The following WWTR1 variants were observed in gnomAD, a reference collection of about 807,000 sequenced individuals.
The protein encoded by WWTR1 is WW domain containing transcription regulator 1, also known as WW domain-containing transcription regulator protein 1.
Under a neutral mutation model 40.1 loss-of-function variants are expected in WWTR1, and 13 were observed. The observed-to-expected ratio is 0.32, with a 90% confidence interval of 0.21 to 0.52. The LOEUF (loss-of-function observed/expected upper bound fraction) is 0.52, where lower values mean the gene tolerates loss of function less well. Ranked by LOEUF, WWTR1 falls within the 20% of genes least tolerant of loss-of-function variation. The pLI is 0.97. For missense variants in WWTR1, 436 were observed against 523.1 expected, an observed-to-expected ratio of 0.83 and a Z score of 1.63; for synonymous variants, 230 against 210.1, an observed-to-expected ratio of 1.09 and a Z score of -0.82.
chr3:149,545,502 G>A (rs1736323780), intron 3 of WWTR1, among the ~76,000 whole-genome samples: 1 of 152,162 alleles, frequency 6.6e-6, no homozygotes, highest in Admixed American at 6.5e-5. Context: ...CAAAGGCACA[G>A]GTTGTTAACC....
chr3:149,524,327 GTTTTT>G (rs3044124), intron 6 of WWTR1, among the ~76,000 whole-genome samples: 264 of 139,240 alleles, frequency 1.9e-3, no homozygotes, highest in Middle Eastern at 3.8e-3. Context: ...CTCTTTTATG[GTTTTT>G]TTTTTTTTTT....
intron 2 of WWTR1, among the ~76,000 whole-genome samples, chr3:149,650,828 G>A (rs988696198): frequency 4.6e-5 from 7 of 152,202 alleles, no homozygotes; most frequent in Non-Finnish European, 1.0e-4. Context: ...CAGGAAAGTT[G>A]ACTCTAACTC....
intron 5 of WWTR1, among the ~76,000 whole-genome samples, chr3:149,711,179 AGG>A (rs58478256): frequency 2.0e-5 from 3 of 149,630 alleles, no homozygotes; most frequent in Admixed American, 2.0e-4. Context: ...AAAAAAAAAA[AGG>A]GAGGCTGGAT....
chr3:149,564,501 T>C (rs1737220437), intron 3 of WWTR1, among the ~76,000 whole-genome samples: 2 of 152,140 alleles, frequency 1.3e-5, no homozygotes, highest in Admixed American at 6.5e-5. Context: ...TTTTTTTTTT[T>C]TCTCCTTTTG....
intron 4 of WWTR1, among the ~76,000 whole-genome samples, chr3:149,528,299 A>G (rs1031715100): frequency 7.9e-5 from 12 of 152,232 alleles, no homozygotes; most frequent in African/African-American, 2.9e-4. Flanking sequence ...GGCTTTTTCT[A>G]TCTCAGGTTC....
chr3:149,571,163 G>C (rs1737603568), intron 3 of WWTR1, among the ~76,000 whole-genome samples: 1 of 151,438 alleles, frequency 6.6e-6, no homozygotes, highest in Admixed American at 6.6e-5. Flanking sequence ...AACAAACTTG[G>C]GGACTGAGGA....
intron 2 of WWTR1, among the ~76,000 whole-genome samples, chr3:149,618,291 G>C (rs1740102607): frequency 6.6e-6 from 1 of 152,194 alleles, no homozygotes; most frequent in East Asian, 1.9e-4. Context: ...ACAATGTCTT[G>C]CAGCCAACAG....
chr3:149,668,901 G>T (rs768053760), intron 2 of WWTR1, among the ~76,000 whole-genome samples: 1 of 152,130 alleles, frequency 6.6e-6, no homozygotes, highest in Admixed American at 6.5e-5. Context: ...TGTTTGGCTG[G>T]AAAGACAAGC....
chr3:149,695,044 G>A (rs10935772), intron 1 of WWTR1, among the ~76,000 whole-genome samples: 28,461 of 152,088 alleles, frequency 0.19, 3,624 homozygotes, highest in African/African-American at 0.36. Context: ...GGTAAGTGAA[G>A]TAAGCCAGGC....
upstream of WWTR1, among the ~76,000 whole-genome samples, chr3:149,662,277 T>C (rs1237947076): frequency 6.6e-6 from 1 of 152,206 alleles, no homozygotes; most frequent in Non-Finnish European, 1.5e-5. Flanking sequence ...AGTTGCTCCC[T>C]GGTATTGCCA....
At chr3:149,567,400 G>T (rs551127299) in intron 3 of WWTR1, among the ~76,000 whole-genome samples, 1 of 152,284 alleles carries the variant, frequency 6.6e-6, no homozygotes, top group East Asian at 1.9e-4. Context: ...CTCTGTGAAT[G>T]ACCTGACAGT....
chr3:149,722,653 C>T (rs1020037973), intron 4 of WWTR1, among the ~76,000 whole-genome samples: 2 of 152,082 alleles, frequency 1.3e-5, no homozygotes, highest in African/African-American at 4.8e-5. Context: ...GGAATTCCCT[C>T]AAGGCATATG....
chr3:149,640,555 G>A (rs1013098446), intron 2 of WWTR1, among the ~76,000 whole-genome samples: 1 of 151,970 alleles, frequency 6.6e-6, no homozygotes, highest in African/African-American at 2.4e-5. Context: ...TGAGTAGCTG[G>A]GATAACAAGC....
intron 5 of WWTR1, among the ~76,000 whole-genome samples, chr3:149,709,166 G>A (rs1319744005): frequency 6.6e-6 from 1 of 152,044 alleles, no homozygotes; most frequent in Non-Finnish European, 1.5e-5. Flanking sequence ...GTAGAGAGGG[G>A]GCTTTGCCAT....
chr3:149,575,240 C>T (rs1032650459), intron 2 of WWTR1, among the ~76,000 whole-genome samples: 3 of 152,196 alleles, frequency 2.0e-5, no homozygotes, highest in Admixed American at 2.0e-4. Context: ...TCATAAAATC[C>T]ATCAACTTCT....
rs117095649 is a variant in WWTR1 at position 149,677,831 on chromosome 3, T to G, written c.-107-7940A>C. Among the ~76,000 whole-genome samples the G allele has an allele frequency of 3.0e-3, 458 of 151,820 alleles. 21 individuals carry two copies. The East Asian group carries it at 0.08, about 27-fold the overall frequency. On this transcript the variant is annotated intron_variant, in intron 1 of 7. Transcript: ENST00000465804. ...CTCCAGCCTGGGTGACACAGCGATCTCAGCTCACTGCTACCTCTGCCTCCC... is the reference window on the plus strand; with the variant it reads ...CTCCAGCCTGGGTGACACAGCGATCGCAGCTCACTGCTACCTCTGCCTCCC...
intron 4 of WWTR1, among the ~76,000 whole-genome samples, chr3:149,533,574 C>T (rs944824777): frequency 1.3e-5 from 2 of 152,182 alleles, no homozygotes; most frequent in Admixed American, 6.5e-5. Flanking sequence ...TATTAGCCAC[C>T]GGATTTCTGA....
chr3:149,703,533 G>GA (rs1715257896), upstream of WWTR1, among the ~76,000 whole-genome samples: 4 of 152,004 alleles, frequency 2.6e-5, no homozygotes, highest in Admixed American at 6.5e-5. Context: ...TAATTTTTCA[G>GA]AAAAAAAGTA....
Position 149,724,475 on chromosome 3 carries a change from G to A in WWTR1, n.323+227C>T, listed in dbSNP as rs530157563. On this transcript the variant is annotated intron_variant and non_coding_transcript_variant, in intron 3 of 6. Transcript: ENST00000474080. The stretch of plus-strand genomic sequence containing the variant: ...TCCTAACTTGAATAATTTTTATACC[G>A]TCCACCCTACCCCCCAGACTCCTTA... Among the ~76,000 whole-genome samples, 15 of 143,288 alleles carry A rather than the reference G, an allele frequency of 1.0e-4. No homozygotes were observed. The South Asian group carries it at 2.7e-3, about 26-fold the overall frequency. The allele number at this position is 143,288 out of a possible 152,430, so 94.0% of individuals were successfully genotyped here. A position where few individuals can be genotyped will look rare whatever the true frequency, so the allele number is the denominator to read the frequency against.
Sources: gnomAD v4.1 joint callset for allele counts (sites outside exome capture counted in the v4.1 genomes callset) on GRCh38, gnomAD v4.1.1 for gene constraint, MANE v1.5 for transcripts, NCBI Gene and HGNC (gene_info 2026-07-23, HGNC 2026-07-21) for gene names.